Variants in SLTM observed in about 807,000 individuals in gnomAD.
The protein encoded by SLTM is SAFB like transcription modulator.
In SLTM, 43 loss-of-function variants were observed where a neutral mutation model predicts 134.6. That is an observed-to-expected ratio of 0.32 (90% CI 0.25 to 0.41). The LOEUF (loss-of-function observed/expected upper bound fraction) is 0.41. SLTM is among the 10% of genes least tolerant of loss of function. The pLI is 1.00. For synonymous variants in SLTM, 424 were observed against 432.3 expected (o/e 0.98, Z 0.24); for missense variants, 1,055 against 1,288.8 (o/e 0.82, Z 2.78).
chr15:58,918,915 CTT>C (rs566389959), intron 2 of SLTM, among the ~76,000 whole-genome samples: 2 of 145,024 alleles, frequency 1.4e-5, no homozygotes, highest in Admixed American at 6.9e-5. Flanking sequence ...CTACTAAATT[CTT>C]TTTTTTTTTT....
chr15:58,901,178 G>C, intron 6 of SLTM, 82 bp downstream of exon 6: 2 of 1,028,908 alleles, frequency 1.9e-6, no homozygotes, highest in Non-Finnish European at 2.9e-6. Context: ...TCAAAAATAA[G>C]ATTTCAAATA....
At chr15:58,883,598 C>G in intron 20 of SLTM, 28 bp downstream of exon 20, 4 of 1,612,420 alleles carry the variant, frequency 2.5e-6, no homozygotes, top group Non-Finnish European at 3.4e-6. Flanking sequence ...TGGTTGTGTG[C>G]TGGCAGAAAA....
chr15:58,884,530 G>A (rs531432152), intron 19 of SLTM, among the ~76,000 whole-genome samples: 17 of 152,236 alleles, frequency 1.1e-4, no homozygotes, highest in African/African-American at 3.4e-4. Flanking sequence ...TGTTGGCCAG[G>A]ATGGTCTTGA....
intron 15 of SLTM, among the ~76,000 whole-genome samples, 181 bp from the exon 16 acceptor site, chr15:58,889,735 AC>A (rs1365886032): frequency 1.9e-4 from 29 of 152,266 alleles, no homozygotes; most frequent in Admixed American, 1.9e-3. Flanking sequence ...TTGTTCTGCA[AC>A]ATTAAAAATA....
intron 14 of SLTM, among the ~76,000 whole-genome samples, chr15:58,891,943 A>C (rs1274518086): frequency 6.6e-6 from 1 of 152,112 alleles, no homozygotes; most frequent in East Asian, 1.9e-4. Context: ...TCTCCTCTCA[A>C]TCTGTTGTCA....
intron 9 of SLTM, 117 bp from the exon 10 acceptor site, chr15:58,894,699 T>G: frequency 1.1e-6 from 1 of 874,626 alleles, no homozygotes; most frequent in Non-Finnish European, 1.7e-6. Context: ...TCTTATTCTG[T>G]CTCATGTTTT....
chr15:58,887,219 C>T lies in SLTM; in HGVS notation c.2690+7G>A, dbSNP rs753048816. On this transcript the variant is annotated splice_region_variant and intron_variant, in intron 18 of 20. Transcript: ENST00000380516. Reference sequence around the variant, plus strand: ...CACTAGGAAAGCATTACATAGTACACAGCTACCTTGTTTCCCGTTTGTCAG... The same window carrying T: ...CACTAGGAAAGCATTACATAGTACATAGCTACCTTGTTTCCCGTTTGTCAG... 2.5e-6 allele frequency: 4 copies of T among 1,613,310 alleles called. No homozygotes were observed. In the Admixed American group the frequency reaches 5.0e-5, roughly 20 times the overall value.
In SLTM at chr15:58,913,652, A is replaced by G. The variant is rs772144094; in HGVS notation, c.360T>C (p.Asn120=). The G allele has an allele frequency of 1.2e-6, 2 of 1,613,566 alleles. No homozygotes were observed. The highest frequency in any genetic ancestry group is 1.7e-6 in the Non-Finnish European group (2 of 1,179,836). ...ATTCTTCAGAGTCCTTTAGTTCATC[A>G]TTTCCATCTTGCTCATGTGCCTCTT... ...ENQEAHEQDG[N]DELKDSEEFG... The change falls in exon 4 of 21, where the codon AAT becomes AAC. Residue 120 remains asparagine, a synonymous_variant. Coordinates refer to ENST00000380516, the MANE Select transcript of SLTM (RefSeq NM_024755.4).
chr15:58,880,787 A>G (rs1163827629), intron 20 of SLTM, among the ~76,000 whole-genome samples: 2 of 151,890 alleles, frequency 1.3e-5, no homozygotes, highest in Non-Finnish European at 2.9e-5. Context: ...GCTGGTCTTG[A>G]ACTCCTGGGC....
intron 5 of SLTM, among the ~76,000 whole-genome samples, chr15:58,906,315 T>C (rs1208407577): frequency 6.6e-6 from 1 of 152,208 alleles, no homozygotes; most frequent in African/African-American, 2.4e-5. Context: ...CCACTCAAGT[T>C]TGTCTTGAAA....
At chr15:58,909,016 T>C (rs957564872) in intron 5 of SLTM, among the ~76,000 whole-genome samples, 2 of 152,208 alleles carry the variant, frequency 1.3e-5, no homozygotes, top group African/African-American at 2.4e-5. Flanking sequence ...TTCTCTAGCA[T>C]TGTACATTGA....
intron 3 of SLTM, among the ~76,000 whole-genome samples, chr15:58,914,429 G>T (rs551924029): frequency 1.3e-5 from 2 of 152,324 alleles, no homozygotes; most frequent in Admixed American, 1.3e-4. Flanking sequence ...GCAGAGGCAT[G>T]ACTACTAATC....
At chr15:58,894,310 A>C (rs1414603571) in intron 10 of SLTM, 117 bp from the exon 11 acceptor site, 2 of 1,443,824 alleles carry the variant, frequency 1.4e-6, no homozygotes, top group African/African-American at 2.9e-5. Flanking sequence ...GGAGAGTAAA[A>C]ACTACAAATA....
At chr15:58,919,224 T>C (rs2036854477) in intron 2 of SLTM, among the ~76,000 whole-genome samples, 2 of 152,206 alleles carry the variant, frequency 1.3e-5, no homozygotes, top group South Asian at 4.1e-4. Flanking sequence ...ATTAAATTCT[T>C]CTATTACATT....
At chr15:58,880,863 G>T (rs1187278455) in intron 20 of SLTM, among the ~76,000 whole-genome samples, 1 of 152,108 alleles carries the variant, frequency 6.6e-6, no homozygotes, top group Non-Finnish European at 1.5e-5. Context: ...ACCACGCCCG[G>T]CCAACCTGTG....
intron 19 of SLTM, among the ~76,000 whole-genome samples, chr15:58,884,039 C>G (rs892992796): frequency 6.7e-6 from 1 of 150,300 alleles, no homozygotes; most frequent in Non-Finnish European, 1.5e-5. Context: ...GCAGAGGTTG[C>G]AGTGAGCTGA....
At chr15:58,913,731 G>A in intron 3 of SLTM, 35 bp from the exon 4 acceptor site, 1 of 1,567,836 alleles carries the variant, frequency 6.4e-7, no homozygotes, top group South Asian at 1.1e-5. Context: ...ACAACTAGAG[G>A]CAAAGTAGTG....
Position 58,913,556 on chromosome 15 carries a change from A to C in SLTM, c.456T>G (p.His152Gln), listed in dbSNP as rs1437916265. 6.2e-7 allele frequency: 1 copy of C among 1,613,304 alleles called. No homozygotes were observed. The highest frequency in any genetic ancestry group is 1.7e-5 in the Admixed American group (1 of 60,016). Reference sequence around the variant, plus strand: ...CTATTCCTTCTGCCTCTATTAATTCATGAGCTCTCTTGTTTTCTTCTGCAG... The same window carrying C: ...CTATTCCTTCTGCCTCTATTAATTCCTGAGCTCTCTTGTTTTCTTCTGCAG... ...LLSAEENKRAHELIEAEGIED... is the reference protein window; with the variant it reads ...LLSAEENKRAQELIEAEGIED... Residue 152 changes from histidine to glutamine, a missense_variant, in exon 4 of 21, where the codon CAT (histidine) becomes CAG (glutamine). Transcript: ENST00000380516.
At chr15:58,919,938 A>G (rs2036905009) in intron 2 of SLTM, among the ~76,000 whole-genome samples, 1 of 152,168 alleles carries the variant, frequency 6.6e-6, no homozygotes, top group South Asian at 2.1e-4. Flanking sequence ...GGATTTCGTG[A>G]CCAATCTTGT....
Sources: gnomAD v4.1 joint callset for allele counts (sites outside exome capture counted in the v4.1 genomes callset) on GRCh38, gnomAD v4.1.1 for gene constraint, MANE v1.5 for transcripts, NCBI Gene and HGNC (gene_info 2026-07-23, HGNC 2026-07-21) for gene names.